DMD: variants seen among roughly 807,000 people sequenced by gnomAD.
DMD encodes mutant dystrophin.
A neutral mutation model predicts 330.1 loss-of-function variants in DMD; 63 were observed. The observed-to-expected ratio is 0.19, with a 90% CI of 0.16 to 0.24. The LOEUF is 0.24. Ranked by LOEUF, DMD falls within the 10% of genes least tolerant of loss-of-function variation. The pLI is 1.00. For synonymous variants in DMD, 1,223 were observed against 959.8 expected (o/e 1.27, Z -5.07); for missense variants, 3,344 against 2,684.1 (o/e 1.25, Z -5.43).
At chrX:33,025,726 A>AT (rs1289041648) in intron 1 of DMD, among the ~76,000 whole-genome samples, 2 of 109,308 alleles carry the variant, frequency 1.8e-5, no homozygotes, top group Non-Finnish European at 3.8e-5. Flanking sequence ...CTAATTTTTA[A>AT]TTTTTTTTCT....
At chrX:33,256,644 T>C (rs1286420701) in intron 1 of DMD, among the ~76,000 whole-genome samples, 1 of 110,651 alleles carries the variant, frequency 9.0e-6, no homozygotes, top group Non-Finnish European at 1.9e-5. Flanking sequence ...TATTTACATA[T>C]TAATTTTATA....
In DMD at chrX:32,963,355, G is replaced by A. The variant is rs368960349; in HGVS notation, c.93+56784C>T. Among the ~76,000 whole-genome samples, 7 of 111,960 alleles carry A rather than the reference G, an allele frequency of 6.3e-5. No individual in the cohort carries two copies. In the East Asian group the frequency reaches 8.4e-4, roughly 13 times the overall value. Reference sequence around the variant, plus strand: ...ACCTCAATTGCAAGAGGAAGAACACGTTGAGGTTGCATACTAAGGTGTATT... The same window carrying A: ...ACCTCAATTGCAAGAGGAAGAACACATTGAGGTTGCATACTAAGGTGTATT... On this transcript the variant is annotated intron_variant, in intron 2 of 78. Coordinates refer to ENST00000357033, the MANE Select transcript of DMD (RefSeq NM_004006.3).
At chrX:32,635,955 T>A (rs192411805) in intron 11 of DMD, among the ~76,000 whole-genome samples, 17 of 111,893 alleles carry the variant, frequency 1.5e-4, no homozygotes, top group African/African-American at 4.2e-4. Flanking sequence ...CCTACTGGCC[T>A]AGTTTACCTA....
At chrX:32,301,222 TAAAAAA>T (rs56329666) in intron 42 of DMD, among the ~76,000 whole-genome samples, 2 of 74,687 alleles carry the variant, frequency 2.7e-5, no homozygotes, top group African/African-American at 9.8e-5. Flanking sequence ...TGCATACATC[TAAAAAA>T]AAAAAAAAAA....
rs943954907 is a variant in DMD at position 32,084,777 on chromosome X, A to C, written c.6439-116263T>G. 6.3e-5 allele frequency among the ~76,000 whole-genome samples: 7 copies of C among 111,356 alleles called. No individual in the cohort carries two copies. The Admixed American group carries it at 6.7e-4, about 11-fold the overall frequency. On this transcript the variant is annotated intron_variant, in intron 44 of 78. Transcript: ENST00000357033. ...ATTGGGATTACGGAATTCAGGAAAC[A>C]GTAAATTCACTCTGAGAGCAATTGA...
chrX:32,024,372 G>A (rs1476053275), intron 44 of DMD, among the ~76,000 whole-genome samples: 1 of 107,976 alleles, frequency 9.3e-6, no homozygotes. Flanking sequence ...ATTATCCCAG[G>A]TACTTCGGAG....
chrX:32,780,015 G>A (rs1472063639), intron 7 of DMD, among the ~76,000 whole-genome samples: 1 of 111,332 alleles, frequency 9.0e-6, no homozygotes, highest in Admixed American at 9.6e-5. Context: ...ATACAAGCCT[G>A]ATATAAATTT....
At chrX:31,555,956 G>A (rs1359795939) in intron 55 of DMD, among the ~76,000 whole-genome samples, 2 of 111,621 alleles carry the variant, frequency 1.8e-5, no homozygotes, top group Admixed American at 1.9e-4. Context: ...GATTTGGATA[G>A]GCTGCCTGGT....
At chrX:31,520,969 C>T (rs186386498) in intron 55 of DMD, among the ~76,000 whole-genome samples, 15 of 110,797 alleles carry the variant, frequency 1.4e-4, no homozygotes, top group South Asian at 3.8e-4. Flanking sequence ...GTTGAGCCAC[C>T]GCGCCCGGCC....
intron 44 of DMD, among the ~76,000 whole-genome samples, chrX:32,180,840 A>G (rs1208665991): frequency 9.0e-6 from 1 of 110,592 alleles, no homozygotes; most frequent in African/African-American, 3.3e-5. Context: ...CTATCAGGAG[A>G]ACAGCATGGG....
At chrX:32,312,014 G>T (rs5972519) in intron 41 of DMD, among the ~76,000 whole-genome samples, 1 of 111,434 alleles carries the variant, frequency 9.0e-6, no homozygotes, top group Non-Finnish European at 1.9e-5. Flanking sequence ...TAAAGCAAGC[G>T]TATTTCTTAT....
intron 57 of DMD, among the ~76,000 whole-genome samples, chrX:31,492,549 C>T (rs781242589): frequency 8.9e-6 from 1 of 111,778 alleles, no homozygotes; most frequent in South Asian, 3.8e-4. Flanking sequence ...AAGCATTGCG[C>T]CAAACTACAA....
intron 43 of DMD, among the ~76,000 whole-genome samples, chrX:32,267,348 C>A (rs982241286): frequency 4.5e-5 from 5 of 112,033 alleles, no homozygotes; most frequent in Non-Finnish European, 9.4e-5. Context: ...ACCTATTAAC[C>A]AAAATATTTT....
chrX:32,664,431 C>T (rs184499882), intron 9 of DMD, among the ~76,000 whole-genome samples: 1,185 of 109,426 alleles, frequency 0.011, 14 homozygotes, highest in Admixed American at 0.033. Flanking sequence ...TTAGTAGAGA[C>T]GGGGTTTCAC....
chrX:31,190,869 C>T (rs931606119), intron 67 of DMD, among the ~76,000 whole-genome samples: 2 of 111,463 alleles, frequency 1.8e-5, no homozygotes, highest in African/African-American at 6.5e-5. Context: ...CCTGAGAGTC[C>T]TGCAAGGGCA....
intron 2 of DMD, among the ~76,000 whole-genome samples, chrX:33,013,811 G>A (rs866574181): frequency 4.4e-5 from 4 of 91,362 alleles, no homozygotes; most frequent in African/African-American, 1.5e-4. Flanking sequence ...CTGGGTGTGT[G>A]TATATGTATG....
At chrX:32,162,938 A>T (rs2096855511) in intron 44 of DMD, among the ~76,000 whole-genome samples, 1 of 110,598 alleles carries the variant, frequency 9.0e-6, no homozygotes, top group Admixed American at 9.6e-5. Context: ...TAATACCTCC[A>T]CACAGATGAC....
chrX:33,004,994 T>C (rs1052215309), intron 2 of DMD, among the ~76,000 whole-genome samples: 1 of 111,173 alleles, frequency 9.0e-6, no homozygotes. Context: ...TATTGGTATT[T>C]GTTTGTGTTC....
chrX:33,163,565 T>TACATAC (rs2048885955), intron 1 of DMD, among the ~76,000 whole-genome samples: 3 of 105,353 alleles, frequency 2.8e-5, no homozygotes, highest in African/African-American at 1.0e-4. Context: ...TATATATATA[T>TACATAC]ATATATATAT....
Sources: gnomAD v4.1 joint callset for allele counts (sites outside exome capture counted in the v4.1 genomes callset) on GRCh38, gnomAD v4.1.1 for gene constraint, MANE v1.5 for transcripts, NCBI Gene and HGNC (gene_info 2026-07-23, HGNC 2026-07-21) for gene names.